TMEM184B: variants seen among roughly 807,000 people sequenced by gnomAD.
TMEM184B encodes the protein transmembrane protein 184B, also known as putative MAPK-activating protein FM08.
Under a neutral mutation model 41.8 loss-of-function variants are expected in TMEM184B, and 17 were observed. That is an observed-to-expected ratio of 0.41 (90% confidence interval 0.28 to 0.61). The LOEUF (loss-of-function observed/expected upper bound fraction) is 0.61. Ranked by LOEUF, TMEM184B falls within the 20% of genes least tolerant of loss-of-function variation. TMEM184B has a pLI of 0.34. For synonymous variants in TMEM184B, 240 were observed against 229.5 expected (o/e 1.05, Z -0.41); for missense variants, 393 against 557.8 (o/e 0.70, Z 2.98).
intron 2 of TMEM184B, chr22:38,246,784 CA>C: frequency 8.1e-7 from 1 of 1,235,394 alleles, no homozygotes; most frequent in Non-Finnish European, 1.0e-6. Context: ...AAGCTACACA[CA>C]AATGCCAAGA....
In TMEM184B at chr22:38,219,837, C is replaced by T. The variant is rs1237530203; in HGVS notation, c.*1632G>A. The T allele has an allele frequency of 1.0e-6, 1 of 985,300 alleles. No individual in the cohort carries two copies. The highest frequency in any genetic ancestry group is 1.2e-6 in the Non-Finnish European group (1 of 829,958). 61.0% of individuals were successfully genotyped at this position (985,300 alleles called of 1,614,324 possible). On this transcript the variant is annotated 3_prime_UTR_variant, in exon 9 of 9. Coordinates refer to ENST00000361906, the MANE Select transcript of TMEM184B (RefSeq NM_012264.5). ...CCCACCCTCCCGGGCAGCTTGGGCC[C>T]AACTGCTCCGCCCCCCCAAGATGGA...
intron 3 of TMEM184B, among the ~76,000 whole-genome samples, chr22:38,237,442 A>G (rs1156618850): frequency 6.6e-6 from 1 of 152,250 alleles, no homozygotes; most frequent in Non-Finnish European, 1.5e-5. Flanking sequence ...CCCTGGGCAC[A>G]CTGGGCCATT....
At position 38,230,729 on chromosome 22, in the gene TMEM184B, A is replaced by T. The variant is rs2145595863; in HGVS notation, c.465T>A (p.Tyr155Ter). The stretch of plus-strand genomic sequence containing the variant: ...TCTTTCCCCAGAGGCAGCAGGTGCC[A>T]TACATACAGCTGGACCTGGAAGAGA... The part of the protein sequence containing the change: ...RGKPIESSCM[Y>*]GTCCLWGKTY... Residue 155 changes from tyrosine (Y) to a stop codon, truncating the protein, a stop_gained, in exon 5 of 9, where the codon TAT (tyrosine) becomes TAA (stop). Coordinates refer to ENST00000361906, the MANE Select transcript of TMEM184B (RefSeq NM_012264.5). LOFTEE classifies it high-confidence loss of function. 6.2e-7 allele frequency: 1 copy of T among 1,612,260 alleles called. No individual in the cohort carries two copies. The highest frequency in any genetic ancestry group is 1.6e-4 in the Middle Eastern group (1 of 6,062).
At chr22:38,257,572 C>T (rs1051392899) in intron 1 of TMEM184B, among the ~76,000 whole-genome samples, 5 of 152,086 alleles carry the variant, frequency 3.3e-5, no homozygotes, top group African/African-American at 7.2e-5. Context: ...CGAAAGCGCA[C>T]GTTCCAAAAA....
chr22:38,246,755 A>C, intron 2 of TMEM184B: 1 of 1,180,620 alleles, frequency 8.5e-7, no homozygotes, highest in Non-Finnish European at 1.1e-6. Context: ...TACTTTTAGG[A>C]AGCAGAGGAA....
chr22:38,233,454 G>A lies in TMEM184B; in HGVS notation c.359-2120C>T, dbSNP rs114900570. Reference sequence around the variant, plus strand: ...CACTGCGCTGGGTGTTGGCTGTCACGACCATTACCGTCTATCTGCTGCCTG... The same window carrying A: ...CACTGCGCTGGGTGTTGGCTGTCACAACCATTACCGTCTATCTGCTGCCTG... On this transcript the variant is annotated intron_variant, in intron 3 of 8. Transcript: ENST00000361906. Among the ~76,000 whole-genome samples the A allele has an allele frequency of 3.6e-3, 551 of 152,278 alleles. 1 individual carries two copies. Among genetic ancestry groups the A allele is most frequent in the African/African-American group, 0.012 (518 of 41,550 alleles).
At chr22:38,227,881 C>G (rs1191276053) in intron 5 of TMEM184B, among the ~76,000 whole-genome samples, 1 of 152,180 alleles carries the variant, frequency 6.6e-6, no homozygotes, top group Non-Finnish European at 1.5e-5. Context: ...TACGGGCGGA[C>G]CCATGGTGCC....
intron 1 of TMEM184B, 40 bp from the exon 2 acceptor site, chr22:38,248,059 C>T: frequency 6.8e-7 from 1 of 1,467,180 alleles, no homozygotes; most frequent in Non-Finnish European, 9.0e-7. Context: ...CCTCCCAGGG[C>T]AAGTGGCAGC....
chr22:38,265,818 T>C (rs1214893439), intron 1 of TMEM184B, among the ~76,000 whole-genome samples: 2 of 152,162 alleles, frequency 1.3e-5, no homozygotes, highest in African/African-American at 4.8e-5. Flanking sequence ...CCACAGGCGC[T>C]AGAGGTGGGG....
At position 38,263,643 on chromosome 22, in the gene TMEM184B, C is replaced by T. The variant is rs540145931; in HGVS notation, c.-59+9241G>A. Among the ~76,000 whole-genome samples, 31 of 152,254 alleles carry T rather than the reference C, an allele frequency of 2.0e-4. 1 individual carries two copies. Among genetic ancestry groups the T allele is most frequent in the South Asian group, 1.0e-3 (5 of 4,814 alleles). On this transcript the variant is annotated intron_variant, in intron 1 of 8. Coordinates refer to ENST00000361906, the MANE Select transcript of TMEM184B (RefSeq NM_012264.5). ...CCTTGCAAATAAATCATTTTGCACACGTGTTAACCCATCCGTAGAATAAAT... is the reference window on the plus strand; with the variant it reads ...CCTTGCAAATAAATCATTTTGCACATGTGTTAACCCATCCGTAGAATAAAT...
At position 38,226,808 on chromosome 22, in the gene TMEM184B, G is replaced by T; in HGVS notation, c.588C>A (p.Ala196=). Reference sequence around the variant, plus strand: ...AGTCCCCATCCCGGTACTTGCCGAAGGCCTGGAGGACCACAGTGCTGACCG... The same window carrying T: ...AGTCCCCATCCCGGTACTTGCCGAATGCCTGGAGGACCACAGTGCTGACCG... The part of the protein sequence containing the change: ...LMAVSTVVLQ[A]FGKYRDGDFD... Residue 196 remains alanine (A), a synonymous_variant, in exon 6 of 9, where the codon GCC becomes GCA. Coordinates refer to ENST00000361906, the MANE Select transcript of TMEM184B (RefSeq NM_012264.5). The surrounding 1 kb of genome is among the most constrained non-coding windows in gnomAD (Gnocchi z 4.6). The T allele has an allele frequency of 6.2e-7, 1 of 1,605,866 alleles. No individual in the cohort carries two copies. Among genetic ancestry groups the T allele is most frequent in the Admixed American group, 1.7e-5 (1 of 58,824 alleles).
chr22:38,235,448 C>T (rs1257134650), intron 3 of TMEM184B, among the ~76,000 whole-genome samples: 2 of 152,198 alleles, frequency 1.3e-5, no homozygotes, highest in Admixed American at 6.5e-5. Context: ...ATTACGTGGC[C>T]GAGGTCCCTC....
At chr22:38,217,535 G>A (rs1471907126), downstream of TMEM184B, among the ~76,000 whole-genome samples, 2 of 152,122 alleles carry the variant, frequency 1.3e-5, no homozygotes, top group Non-Finnish European at 2.9e-5. Context: ...CCAGCTACTC[G>A]GGAGGCTGAG....
At chr22:38,268,510 C>G (rs1289762852) in intron 1 of TMEM184B, among the ~76,000 whole-genome samples, 3 of 151,870 alleles carry the variant, frequency 2.0e-5, no homozygotes, top group Non-Finnish European at 4.4e-5. Context: ...CTTGGGTGAC[C>G]CTTCAATTCT....
chr22:38,224,551 G>A (rs935081636), intron 8 of TMEM184B, among the ~76,000 whole-genome samples: 1 of 152,214 alleles, frequency 6.6e-6, no homozygotes, highest in Admixed American at 6.5e-5. Context: ...GCCCTGGACC[G>A]CCACACTTGG....
intron 3 of TMEM184B, among the ~76,000 whole-genome samples, chr22:38,237,382 C>T (rs1419958119): frequency 1.3e-5 from 2 of 152,254 alleles, no homozygotes; most frequent in African/African-American, 4.8e-5. Flanking sequence ...TCAATACACA[C>T]TCGCTGTGTG....
intron 1 of TMEM184B, 150 bp from the exon 2 acceptor site, chr22:38,248,169 T>C (rs1454759348): frequency 4.6e-6 from 5 of 1,091,230 alleles, no homozygotes; most frequent in Middle Eastern, 3.1e-4. Flanking sequence ...CCTGGATTGA[T>C]GCAACAGGCC....
At chr22:38,246,594 G>A (rs909997224) in intron 2 of TMEM184B, 7 of 300,960 alleles carry the variant, frequency 2.3e-5, no homozygotes, top group Middle Eastern at 1.2e-3. Flanking sequence ...CAGCCCTCAC[G>A]CTATGGCGGG....
At chr22:38,252,596 G>A (rs2145722596) in intron 1 of TMEM184B, among the ~76,000 whole-genome samples, 1 of 152,122 alleles carries the variant, frequency 6.6e-6, no homozygotes, top group East Asian at 1.9e-4. Flanking sequence ...GCTGAGGTGA[G>A]TGTCCAGCAC....
Sources: allele counts gnomAD v4.1 joint callset (sites outside exome capture counted in the v4.1 genomes callset), GRCh38; gene constraint gnomAD v4.1.1; non-coding constraint Gnocchi (gnomAD v3.1); transcripts MANE v1.5; gene names NCBI Gene and HGNC (gene_info 2026-07-23, HGNC 2026-07-21).